INTS15: variants seen among roughly 807,000 people sequenced by gnomAD.
INTS15 encodes the protein uncharacterized protein C7orf26.
the INTS15 span, chr7:6,608,566 C>G: frequency 6.5e-6 from 7 of 1,080,832 alleles, no homozygotes; most frequent in South Asian, 1.2e-4. Context: ...TCTGCAGCCC[C>G]GTGAGCTGAG....
At chr7:6,606,787 C>G in the INTS15 span, among the ~76,000 whole-genome samples, 584 of 151,426 alleles carry the variant, frequency 3.9e-3, 3 homozygotes, top group African/African-American at 0.013. Flanking sequence ...CTCACTGCAG[C>G]CTTGAACTTC....
the INTS15 span, chr7:6,608,665 A>C: frequency 3.2e-6 from 1 of 312,004 alleles, no homozygotes; most frequent in Non-Finnish European, 4.7e-6. Context: ...GGAACTTCTC[A>C]GTTTTATTGG....
chr7:6,603,077 C>A, the INTS15 span, among the ~76,000 whole-genome samples: 1 of 151,562 alleles, frequency 6.6e-6, no homozygotes, highest in African/African-American at 2.4e-5. Context: ...TGGTGAAACC[C>A]CGTCTCTACT....
chr7:6,597,648 C>G, the INTS15 span, among the ~76,000 whole-genome samples: 629 of 152,314 alleles, frequency 4.1e-3, 6 homozygotes, highest in African/African-American at 0.015. Context: ...ACTGGCCTTA[C>G]CATGGGGAAG....
At chr7:6,602,942 G>A in the INTS15 span, among the ~76,000 whole-genome samples, 1 of 152,180 alleles carries the variant, frequency 6.6e-6, no homozygotes, top group African/African-American at 2.4e-5. Context: ...TTTTTGTGAG[G>A]ATTAAATGAG....
the INTS15 span, among the ~76,000 whole-genome samples, chr7:6,596,095 A>G: frequency 1.3e-5 from 2 of 150,074 alleles, no homozygotes; most frequent in Non-Finnish European, 1.5e-5. Context: ...TCTGTCGCCC[A>G]GGCTAGAATG....
the INTS15 span, among the ~76,000 whole-genome samples, chr7:6,592,575 A>AG: frequency 9.2e-5 from 14 of 151,940 alleles, no homozygotes; most frequent in Non-Finnish European, 2.1e-4. Flanking sequence ...TCAAAAAAAA[A>AG]ACTTTTTTTT....
the INTS15 span, chr7:6,590,594 G>T: frequency 7.2e-7 from 1 of 1,392,480 alleles, no homozygotes; most frequent in African/African-American, 1.5e-5. Context: ...CCGCGCTCGC[G>T]CTCGGCCTCG....
the INTS15 span, chr7:6,607,658 C>T: frequency 2.4e-5 from 36 of 1,498,010 alleles, 2 homozygotes; most frequent in South Asian, 2.8e-4. The surrounding 1 kb of genome is among the most constrained non-coding windows in gnomAD (Gnocchi z 6.0). Context: ...TGTGTCCCAG[C>T]GCAGCAGAGA....
At chr7:6,590,145 G>A in the INTS15 span, 15 of 661,074 alleles carry the variant, frequency 2.3e-5, no homozygotes, top group Admixed American at 4.5e-5. Flanking sequence ...CAGGGAGCAG[G>A]CGGCGGCAGG....
chr7:6,605,312 G>T, the INTS15 span, among the ~76,000 whole-genome samples: 2 of 151,986 alleles, frequency 1.3e-5, no homozygotes, highest in Non-Finnish European at 2.9e-5. Flanking sequence ...TTTGGTCTGG[G>T]TTCTAGAAGT....
At chr7:6,607,423 C>G in the INTS15 span, 3 of 592,038 alleles carry the variant, frequency 5.1e-6, no homozygotes, top group East Asian at 1.7e-4. This position sits in a 1 kb window ranked among gnomAD's most constrained non-coding sequence, Gnocchi z 6.0. Flanking sequence ...GCATCTGAAG[C>G]TGAGGCTGCG....
the INTS15 span, chr7:6,599,929 G>C: frequency 6.2e-7 from 1 of 1,614,140 alleles, no homozygotes; most frequent in Non-Finnish European, 8.5e-7. Context: ...CTCCGATTGC[G>C]GCCAATCTGC....
chr7:6,608,198 G>A, the INTS15 span: 2 of 1,535,312 alleles, frequency 1.3e-6, no homozygotes, highest in Non-Finnish European at 8.7e-7. Flanking sequence ...CTCGCTGGAC[G>A]AAGCCTTTCG....
the INTS15 span, among the ~76,000 whole-genome samples, chr7:6,598,107 C>T: frequency 5.3e-5 from 8 of 152,172 alleles, no homozygotes; most frequent in East Asian, 3.9e-4. Context: ...TCTGAGGGGG[C>T]GGGGATACAC....
the INTS15 span, among the ~76,000 whole-genome samples, chr7:6,593,827 T>A: frequency 1.3e-5 from 2 of 151,564 alleles, no homozygotes; most frequent in African/African-American, 4.8e-5. Context: ...TTTTTTCTAT[T>A]TTTTATAGAG....
chr7:6,604,000 A>G, the INTS15 span, among the ~76,000 whole-genome samples: 1 of 141,482 alleles, frequency 7.1e-6, no homozygotes, highest in Non-Finnish European at 1.5e-5. Flanking sequence ...CTGTCTCTTA[A>G]AAAAAAAAAG....
the INTS15 span, among the ~76,000 whole-genome samples, chr7:6,598,752 T>C: frequency 3.9e-3 from 399 of 101,422 alleles, 1 homozygote; most frequent in African/African-American, 0.022. Flanking sequence ...TGTGTGTGTG[T>C]GTGTGTGTGT....
the INTS15 span, among the ~76,000 whole-genome samples, chr7:6,598,407 T>C: frequency 2.1e-4 from 31 of 147,144 alleles, no homozygotes; most frequent in Non-Finnish European, 4.3e-4. Context: ...ATGCAGAGTT[T>C]GCAGTGAGCT....
Sources: gnomAD v4.1 joint callset for allele counts (sites outside exome capture counted in the v4.1 genomes callset) on GRCh38, gnomAD v4.1.1 for gene constraint, Gnocchi (gnomAD v3.1) non-coding constraint, MANE v1.5 for transcripts, NCBI Gene and HGNC (gene_info 2026-07-23, HGNC 2026-07-21) for gene names.